KCNQ1: variants seen among roughly 807,000 people sequenced by gnomAD.
KCNQ1 encodes the protein potassium voltage-gated channel subfamily Q member 1.
In KCNQ1, 49 loss-of-function variants were observed where a neutral mutation model predicts 72.4. The observed-to-expected ratio is 0.68, with a 90% CI of 0.54 to 0.86. KCNQ1 has a LOEUF of 0.86. Among genes scored for constraint, KCNQ1 ranks in the 40% least tolerant of loss-of-function variants. KCNQ1 has a pLI of 0.00. For synonymous variants in KCNQ1, 450 were observed against 412.6 expected (o/e 1.09, Z -1.10); for missense variants, 790 against 945.1 (o/e 0.84, Z 2.15).
rs932633219 is a variant in KCNQ1, at chr11:2,664,474, T to C, written c.1514+2393T>C. ...GATACAGGCTGGGTAGAGGCCCCACTCCATCTGGGGGAGAAGGCTGGCAGC... is the reference window on the plus strand; with the variant it reads ...GATACAGGCTGGGTAGAGGCCCCACCCCATCTGGGGGAGAAGGCTGGCAGC... On this transcript the variant is annotated intron_variant, in intron 11 of 15. Coordinates refer to ENST00000155840, the MANE Select transcript of KCNQ1 (RefSeq NM_000218.3). This position sits in a 1 kb window ranked among gnomAD's most constrained non-coding sequence, Gnocchi z 5.1. The C allele has an allele frequency of 5.0e-6, 2 of 398,540 alleles. No individual in the cohort carries two copies. The highest frequency in any genetic ancestry group is 8.8e-6 in the Non-Finnish European group (2 of 226,134). The allele number at this position is 398,540 out of a possible 1,614,324, so 24.7% of individuals were successfully genotyped here.
At chr11:2,556,228 T>A (rs1471186942) in intron 2 of KCNQ1, among the ~76,000 whole-genome samples, 1 of 152,178 alleles carries the variant, frequency 6.6e-6, no homozygotes, top group Non-Finnish European at 1.5e-5. Context: ...TGTATGGGAA[T>A]AGGGGCCCAC....
At chr11:2,701,803 A>G (rs1005838650) in intron 11 of KCNQ1, among the ~76,000 whole-genome samples, 5 of 152,176 alleles carry the variant, frequency 3.3e-5, no homozygotes, top group African/African-American at 1.2e-4. Context: ...CCCCTGACCA[A>G]AAAGAGCAGG....
In KCNQ1 at chr11:2,484,315, C is replaced by A. The variant is rs545813503; in HGVS notation, c.386+38831C>A. Reference sequence around the variant, plus strand: ...AGTAGCTGGGATTACAGGCACGTACCACCACGCCCAACTAATATTTTGTAT... The same window carrying A: ...AGTAGCTGGGATTACAGGCACGTACAACCACGCCCAACTAATATTTTGTAT... On this transcript the variant is annotated intron_variant, in intron 1 of 15. Transcript: ENST00000155840. This position sits in a 1 kb window ranked among gnomAD's most constrained non-coding sequence, Gnocchi z 5.2. 1.3e-5 allele frequency among the ~76,000 whole-genome samples: 2 copies of A among 152,184 alleles called. No individual in the cohort carries two copies. The highest frequency in any genetic ancestry group is 3.9e-4 in the East Asian group (2 of 5,164).
Position 2,447,915 on chromosome 11 carries a change from C to T in KCNQ1, c.386+2431C>T, listed in dbSNP as rs983330836. Among the ~76,000 whole-genome samples the T allele has an allele frequency of 1.3e-5, 2 of 152,128 alleles. No homozygotes were observed. Among genetic ancestry groups the T allele is most frequent in the Admixed American group, 6.5e-5 (1 of 15,286 alleles). On this transcript the variant is annotated intron_variant, in intron 1 of 15. Transcript: ENST00000155840. The surrounding 1 kb of genome is among the most constrained non-coding windows in gnomAD (Gnocchi z 7.6). Reference sequence around the variant, plus strand: ...GATATCCTGTCCCCTCCTCGGGGAACCCCCCCTCCCCAGGAGAGCAGCTCT... The same window carrying T: ...GATATCCTGTCCCCTCCTCGGGGAATCCCCCCTCCCCAGGAGAGCAGCTCT...
chr11:2,619,801 T>G (rs1023948231), intron 10 of KCNQ1: 3 of 398,428 alleles, frequency 7.5e-6, no homozygotes, highest in African/African-American at 6.2e-5. Context: ...TGGGTAGTAT[T>G]CAGTCATGAA....
rs781579769 is a variant in KCNQ1 at position 2,567,841 on chromosome 11, T to C, written c.478-2787T>C. Among the ~76,000 whole-genome samples the C allele has an allele frequency of 5.9e-5, 9 of 152,236 alleles. No homozygotes were observed. The highest frequency in any genetic ancestry group is 1.3e-4 in the Non-Finnish European group (9 of 68,036). On this transcript the variant is annotated intron_variant, in intron 2 of 15. Coordinates refer to ENST00000155840, the MANE Select transcript of KCNQ1 (RefSeq NM_000218.3). This position sits in a 1 kb window ranked among gnomAD's most constrained non-coding sequence, Gnocchi z 6.6. ...CCTGAGTGTTAGGTCAAAATAACTTTAAAAAGACACGCAGCTATCCACAGC... is the reference window on the plus strand; with the variant it reads ...CCTGAGTGTTAGGTCAAAATAACTTCAAAAAGACACGCAGCTATCCACAGC...
chr11:2,755,854 A>G (rs1175078811), intron 11 of KCNQ1, among the ~76,000 whole-genome samples: 4 of 152,244 alleles, frequency 2.6e-5, no homozygotes, highest in African/African-American at 7.2e-5. Flanking sequence ...ACTAATAGAA[A>G]CTAAAATAAC....
At chr11:2,778,078 C>T (rs1295027148) in intron 15 of KCNQ1, 41 bp downstream of exon 15, 2 of 1,594,128 alleles carry the variant, frequency 1.3e-6, no homozygotes, top group South Asian at 1.1e-5. Context: ...TGGTTAGCGT[C>T]CTGGGGCCAG....
At chr11:2,519,971 A>T (rs1847352920) in intron 1 of KCNQ1, among the ~76,000 whole-genome samples, 1 of 152,228 alleles carries the variant, frequency 6.6e-6, no homozygotes, top group South Asian at 2.1e-4. Flanking sequence ...GCTGCACAGC[A>T]CGGGAGTGAT....
intron 10 of KCNQ1, among the ~76,000 whole-genome samples, chr11:2,590,657 C>G (rs1029240363): frequency 3.3e-5 from 5 of 152,242 alleles, no homozygotes; most frequent in African/African-American, 1.2e-4. Flanking sequence ...TCTCTGCTGA[C>G]CCGGTTTCTG....
chr11:2,713,096 T>C lies in KCNQ1; in HGVS notation c.1514+51015T>C, dbSNP rs1225465468. On this transcript the variant is annotated intron_variant, in intron 11 of 15. Coordinates refer to ENST00000155840, the MANE Select transcript of KCNQ1 (RefSeq NM_000218.3). This position sits in a 1 kb window ranked among gnomAD's most constrained non-coding sequence, Gnocchi z 5.6. ...ATTAACAACTTTGTGAAGCATTTGG[T>C]ATTTGGGGGATTTTACATTAGGGTT... 2.0e-5 allele frequency among the ~76,000 whole-genome samples: 3 copies of C among 152,040 alleles called. No individual in the cohort carries two copies.
At chr11:2,582,239 G>A (rs190195633) in intron 6 of KCNQ1, among the ~76,000 whole-genome samples, 66 of 152,340 alleles carry the variant, frequency 4.3e-4, no homozygotes, top group Admixed American at 7.8e-4. Context: ...CCGCGTGTGC[G>A]CCTGTGCACC....
At chr11:2,496,252 C>T (rs773424655) in intron 1 of KCNQ1, among the ~76,000 whole-genome samples, 4 of 151,682 alleles carry the variant, frequency 2.6e-5, no homozygotes, top group African/African-American at 4.8e-5. Context: ...CTGGCTAACA[C>T]GATGAAACCC....
chr11:2,760,289 G>A (rs179785), intron 11 of KCNQ1, among the ~76,000 whole-genome samples: 76,663 of 151,752 alleles, frequency 0.51, 19,716 homozygotes, highest in African/African-American at 0.6. Flanking sequence ...GCGGGCAGGC[G>A]GGCGTGGAGG....
In KCNQ1 at chr11:2,711,568, T is replaced by G. The variant is rs1265855629; in HGVS notation, c.1514+49487T>G. 2.6e-5 allele frequency among the ~76,000 whole-genome samples: 4 copies of G among 152,064 alleles called. No homozygotes were observed. Among genetic ancestry groups the G allele is most frequent in the Non-Finnish European group, 5.9e-5 (4 of 68,010 alleles). On this transcript the variant is annotated intron_variant, in intron 11 of 15. Coordinates refer to ENST00000155840, the MANE Select transcript of KCNQ1 (RefSeq NM_000218.3). The surrounding 1 kb of genome is among the most constrained non-coding windows in gnomAD (Gnocchi z 5.4). ...AGAACGGGGCTCTCGGAGGCCAGGG[T>G]GACTCCACTATCCCACCAACCTCTG...
At chr11:2,697,233 T>C (rs1850692396) in intron 11 of KCNQ1, 1 of 398,624 alleles carries the variant, frequency 2.5e-6, no homozygotes, top group Non-Finnish European at 4.4e-6. Flanking sequence ...ATAGAATCTC[T>C]ATCAAGAAAA....
At position 2,776,895 on chromosome 11, in the gene KCNQ1, G is replaced by A. The variant is rs193073554; in HGVS notation, c.1686-91G>A. 25 of 1,286,670 alleles carry A rather than the reference G, an allele frequency of 1.9e-5. No homozygotes were observed. The East Asian group carries it at 2.8e-4, about 15-fold the overall frequency. The allele number at this position is 1,286,670 out of a possible 1,614,324, so 79.7% of individuals were successfully genotyped here. On this transcript the variant is annotated intron_variant, in intron 13 of 15. Transcript: ENST00000155840. The stretch of plus-strand genomic sequence containing the variant: ...TGGGTGGACAGTCCACTGTCTTGCC[G>A]GGCACGTCAAGCTGTCTGTCCCACA...
In KCNQ1 at chr11:2,724,303, C is replaced by T. The variant is rs1845721522; in HGVS notation, c.1515-44541C>T. On this transcript the variant is annotated intron_variant, in intron 11 of 15. Transcript: ENST00000155840. The surrounding 1 kb of genome is among the most constrained non-coding windows in gnomAD (Gnocchi z 6.8). ...TCTGTCAGGGAGGAGAGCCCTCCCG[C>T]TCCACCAGGTGACGGCCCTAAATCC... Among the ~76,000 whole-genome samples, 1 of 152,224 alleles carries T rather than the reference C, an allele frequency of 6.6e-6. No individual in the cohort carries two copies. Among genetic ancestry groups the T allele is most frequent in the African/African-American group, 2.4e-5 (1 of 41,458 alleles).
At chr11:2,699,607 C>T (rs1850745731) in intron 11 of KCNQ1, 2 of 352,446 alleles carry the variant, frequency 5.7e-6, no homozygotes, top group Non-Finnish European at 1.0e-5. Context: ...CGGCGAGAGG[C>T]CCCCGGAGAG....
Sources: gnomAD v4.1 joint callset for allele counts (sites outside exome capture counted in the v4.1 genomes callset) on GRCh38, gnomAD v4.1.1 for gene constraint, Gnocchi (gnomAD v3.1) non-coding constraint, MANE v1.5 for transcripts, NCBI Gene and HGNC (gene_info 2026-07-23, HGNC 2026-07-21) for gene names.